The following CHD2 variants were observed in gnomAD, a reference collection of about 807,000 sequenced individuals.
CHD2 encodes chromodomain helicase DNA binding protein 2, also known as ATP-dependent chromatin remodeler CHD2.
Under a neutral mutation model 243.9 loss-of-function variants are expected in CHD2, and 28 were observed. The observed-to-expected ratio is 0.11, with a 90% CI of 0.09 to 0.16. The LOEUF (loss-of-function observed/expected upper bound fraction) is 0.16. CHD2 is among the 10% of genes least tolerant of loss of function. The pLI is 1.00. For missense variants in CHD2, 1,386 were observed against 2,209.8 expected (o/e 0.63, Z 7.47); for synonymous variants, 775 against 779.0 (o/e 0.99, Z 0.09).
chr15:92,957,331 TTTC>T (rs1409529853), intron 16 of CHD2, among the ~76,000 whole-genome samples: 5 of 152,250 alleles, frequency 3.3e-5, no homozygotes, highest in Non-Finnish European at 7.3e-5. Flanking sequence ...TAGAATTATA[TTTC>T]TTCTTGTCTT....
chr15:92,949,752 GT>G (rs1342101908), intron 13 of CHD2, among the ~76,000 whole-genome samples: 1 of 152,192 alleles, frequency 6.6e-6, no homozygotes, highest in Non-Finnish European at 1.5e-5. Context: ...ACAAATGCTT[GT>G]TCCTCGGTGC....
intron 12 of CHD2, among the ~76,000 whole-genome samples, chr15:92,947,733 G>T (rs1447939320): frequency 7.2e-5 from 11 of 152,162 alleles, no homozygotes; most frequent in Admixed American, 2.6e-4. Flanking sequence ...AACAGTTATG[G>T]GGTAGGTTTG....
At chr15:93,023,138 A>G (rs2054552846) in intron 38 of CHD2, among the ~76,000 whole-genome samples, 1 of 152,186 alleles carries the variant, frequency 6.6e-6, no homozygotes, top group South Asian at 2.1e-4. Context: ...AAACACTTTC[A>G]TCAGTCAGAG....
At chr15:93,014,982 A>G (rs2054440049) in intron 37 of CHD2, 73 bp downstream of exon 37, 12 of 1,215,586 alleles carry the variant, frequency 9.9e-6, no homozygotes, top group Admixed American at 3.5e-5. Flanking sequence ...TCATTTTCCA[A>G]AGACACTGGC....
At chr15:92,952,318 A>T (rs978923379) in intron 13 of CHD2, among the ~76,000 whole-genome samples, 1 of 152,148 alleles carries the variant, frequency 6.6e-6, no homozygotes, top group East Asian at 1.9e-4. Flanking sequence ...ATTTTTCCAC[A>T]GGCTGGGGAG....
intron 6 of CHD2, among the ~76,000 whole-genome samples, chr15:92,939,266 C>T (rs1473318913): frequency 6.6e-6 from 1 of 152,170 alleles, no homozygotes; most frequent in Non-Finnish European, 1.5e-5. Flanking sequence ...CAAAGAGATA[C>T]TATCATGAAC....
At chr15:92,929,177 C>T (rs2053119043) in intron 5 of CHD2, 86 bp downstream of exon 5, 1 of 1,274,550 alleles carries the variant, frequency 7.8e-7, no homozygotes, top group Non-Finnish European at 1.1e-6. Flanking sequence ...TGTCTTTAGT[C>T]TACTCCAGGT....
chr15:93,000,865 G>T (rs2054246030), intron 32 of CHD2, among the ~76,000 whole-genome samples: 1 of 152,086 alleles, frequency 6.6e-6, no homozygotes, highest in Non-Finnish European at 1.5e-5. Flanking sequence ...TTTTGTTGTT[G>T]TTGTTTGTTT....
Position 92,981,418 on chromosome 15 carries a change from G to T in CHD2, c.3027G>T (p.Val1009=), listed in dbSNP as rs1173727382. Reference sequence around the variant, plus strand: ...TGGCTGAAACGAGAGAGAATGAAGTGTCAACAAGTGCAACAGATGAACTTC... The same window carrying T: ...TGGCTGAAACGAGAGAGAATGAAGTTTCAACAAGTGCAACAGATGAACTTC... The part of the protein sequence containing the change: ...LRLAETRENE[V]STSATDELLS... Residue 1009 remains valine, a synonymous_variant, in exon 24 of 39, where the codon GTG becomes GTT. Transcript: ENST00000394196. 1 of 1,613,700 alleles carries T rather than the reference G, an allele frequency of 6.2e-7. No individual in the cohort carries two copies. The highest frequency in any genetic ancestry group is 1.3e-5 in the African/African-American group (1 of 74,928).
chr15:92,993,146 T>A, intron 28 of CHD2, 148 bp downstream of exon 28: 1 of 753,420 alleles, frequency 1.3e-6, no homozygotes, highest in Non-Finnish European at 2.1e-6. Flanking sequence ...TCTGTGAGCT[T>A]AATATTCTAC....
intron 32 of CHD2, 150 bp downstream of exon 32, chr15:93,000,790 G>C (rs2054245056): frequency 1.1e-6 from 1 of 869,934 alleles, no homozygotes; most frequent in African/African-American, 1.7e-5. Context: ...CTGTCAGCGA[G>C]GATAGTTTAA....
chr15:92,905,084 C>A, intron 2 of CHD2: 2 of 1,286,520 alleles, frequency 1.6e-6, no homozygotes, highest in Non-Finnish European at 2.1e-6. Context: ...ATTTCACGTT[C>A]AATAACATTA....
intron 16 of CHD2, among the ~76,000 whole-genome samples, chr15:92,959,619 G>A (rs1259881161): frequency 6.6e-6 from 1 of 152,112 alleles, no homozygotes. Context: ...AGCCTCCCAA[G>A]TAGCTGGGAT....
chr15:93,022,541 C>G (rs1236573516), intron 38 of CHD2, among the ~76,000 whole-genome samples: 8 of 152,240 alleles, frequency 5.3e-5, no homozygotes, highest in Non-Finnish European at 1.2e-4. Context: ...TTTGTGAGCA[C>G]AGGGCACTGT....
In CHD2 at chr15:93,027,929, C is replaced by A. The variant is rs2054598901; in HGVS notation, c.*3224C>A. 1 of 152,636 alleles carries A rather than the reference C, an allele frequency of 6.6e-6. No homozygotes were observed. The highest frequency in any genetic ancestry group is 2.1e-4 in the South Asian group (1 of 4,836). 9.5% of individuals were successfully genotyped at this position (152,636 alleles called of 1,614,324 possible). ...GTTTATATAGTATGTATTAAATTTT[C>A]CTACATTGTAAAACTGCTGTACTTT... On this transcript the variant is annotated 3_prime_UTR_variant, in exon 39 of 39. Transcript: ENST00000394196.
At position 93,000,650 on chromosome 15, in the gene CHD2, G is replaced by A; in HGVS notation, c.4137+10G>A. ...AGAGGGAGAAGTGAAAGTATGAAGT[G>A]GGGTTTCGGTTGAGGGTTATTTATT... is the stretch of plus-strand genomic sequence containing the variant. On this transcript the variant is annotated intron_variant, in intron 32 of 38. Coordinates refer to ENST00000394196, the MANE Select transcript of CHD2 (RefSeq NM_001271.4). 1 of 1,607,008 alleles carries A rather than the reference G, an allele frequency of 6.2e-7. No individual in the cohort carries two copies.
chr15:92,953,604 C>A (rs748414093), intron 14 of CHD2, 31 bp downstream of exon 14: 1 of 1,587,956 alleles, frequency 6.3e-7, no homozygotes, highest in Non-Finnish European at 8.6e-7. Flanking sequence ...GGGTTAGAAT[C>A]TGTGTTATAA....
At position 93,025,187 on chromosome 15, in the gene CHD2, G is replaced by A. The variant is rs1392863498; in HGVS notation, c.*482G>A. 2 of 157,006 alleles carry A rather than the reference G, an allele frequency of 1.3e-5. No individual in the cohort carries two copies. The highest frequency in any genetic ancestry group is 4.8e-5 in the African/African-American group (2 of 41,434). The allele number at this position is 157,006 out of a possible 1,614,324, so 9.7% of individuals were successfully genotyped here. A position where few individuals can be genotyped will look rare whatever the true frequency, so the allele number is the denominator to read the frequency against. ...CTCTGACATGATGGATGCTGCTGAT[G>A]GGGAGTGGCGAGTTGGGGCAAGCGG... On this transcript the variant is annotated 3_prime_UTR_variant, in exon 39 of 39. Coordinates refer to ENST00000394196, the MANE Select transcript of CHD2 (RefSeq NM_001271.4).
chr15:92,925,189 A>G (rs1001808064), intron 3 of CHD2, among the ~76,000 whole-genome samples: 6 of 152,224 alleles, frequency 3.9e-5, no homozygotes, highest in African/African-American at 1.4e-4. Flanking sequence ...GCCAGTCAGA[A>G]TGATTGCACT....
Sources: allele counts gnomAD v4.1 joint callset (sites outside exome capture counted in the v4.1 genomes callset), GRCh38; gene constraint gnomAD v4.1.1; transcripts MANE v1.5; gene names NCBI Gene and HGNC (gene_info 2026-07-23, HGNC 2026-07-21).